CHCHD3: variants seen among roughly 807,000 people sequenced by gnomAD.
CHCHD3 encodes MICOS complex subunit MIC19.
A neutral mutation model predicts 38.2 loss-of-function variants in CHCHD3; 20 were observed. That is an observed-to-expected ratio of 0.52 (90% CI 0.37 to 0.76). The LOEUF (loss-of-function observed/expected upper bound fraction) is 0.76, where lower values mean the gene tolerates loss of function less well. Among genes scored for constraint, CHCHD3 ranks in the 30% least tolerant of loss-of-function variants. The pLI is 0.00. For synonymous variants in CHCHD3, 82 were observed against 100.0 expected (o/e 0.82, Z 1.07); for missense variants, 245 against 279.2 (o/e 0.88, Z 0.87).
At chr7:133,024,737 C>A in intron 2 of CHCHD3, 110 bp from the exon 3 acceptor site, 1 of 810,216 alleles carries the variant, frequency 1.2e-6, no homozygotes, top group Non-Finnish European at 2.1e-6. Context: ...AGGCAAAGTT[C>A]TGCCAAGTGG....
chr7:132,938,739 C>T (rs942415029), intron 4 of CHCHD3, among the ~76,000 whole-genome samples: 4 of 152,088 alleles, frequency 2.6e-5, no homozygotes, highest in African/African-American at 4.8e-5. Context: ...TCCCCGACAC[C>T]GGCAACAAGC....
chr7:132,813,193 G>C (rs1376619525), intron 6 of CHCHD3, among the ~76,000 whole-genome samples: 1 of 152,168 alleles, frequency 6.6e-6, no homozygotes, highest in Non-Finnish European at 1.5e-5. Context: ...CTTCTCATCA[G>C]CACCGTATTA....
intron 4 of CHCHD3, among the ~76,000 whole-genome samples, chr7:132,932,291 AAC>A (rs1180495287): frequency 6.6e-6 from 1 of 152,198 alleles, no homozygotes; most frequent in East Asian, 1.9e-4. Flanking sequence ...GAGAGCAATG[AAC>A]ACTAGAACTC....
chr7:133,005,977 G>A (rs1463262958), intron 3 of CHCHD3, among the ~76,000 whole-genome samples: 1 of 152,196 alleles, frequency 6.6e-6, no homozygotes, highest in African/African-American at 2.4e-5. Flanking sequence ...TATCTCGCCA[G>A]CTACATATAG....
At chr7:132,972,313 G>A (rs1039421224) in intron 4 of CHCHD3, among the ~76,000 whole-genome samples, 11 of 152,126 alleles carry the variant, frequency 7.2e-5, no homozygotes, top group African/African-American at 2.4e-4. Flanking sequence ...TTAATGTGAA[G>A]GTTATTGTAA....
chr7:133,008,740 A>C (rs1227783906), intron 3 of CHCHD3, among the ~76,000 whole-genome samples: 1 of 152,208 alleles, frequency 6.6e-6, no homozygotes, highest in Non-Finnish European at 1.5e-5. Context: ...GGAGGCTTTA[A>C]AATATACACT....
intron 5 of CHCHD3, chr7:132,845,264 A>G (rs1808047583): frequency 6.6e-6 from 1 of 152,214 alleles, no homozygotes; most frequent in East Asian, 1.9e-4. Context: ...TCTTTGTAGC[A>G]CCAGGGACTT....
At chr7:132,898,625 G>A (rs1488893472) in intron 4 of CHCHD3, among the ~76,000 whole-genome samples, 1 of 152,256 alleles carries the variant, frequency 6.6e-6, no homozygotes, top group Non-Finnish European at 1.5e-5. Context: ...GCCCTTGGGT[G>A]GTCGATGGGA....
intron 4 of CHCHD3, among the ~76,000 whole-genome samples, chr7:132,904,649 C>T (rs772063604): frequency 2.6e-5 from 4 of 152,144 alleles, no homozygotes; most frequent in Non-Finnish European, 4.4e-5. Context: ...GGTGGGACTG[C>T]AAACTAGTTC....
At chr7:132,870,285 G>A (rs1429875063) in intron 5 of CHCHD3, among the ~76,000 whole-genome samples, 1 of 150,428 alleles carries the variant, frequency 6.6e-6, no homozygotes, top group East Asian at 2.0e-4. Context: ...GGGAGGCAGA[G>A]GTTGCGGTGA....
At chr7:133,081,696 C>G (rs1408306979) in intron 1 of CHCHD3, among the ~76,000 whole-genome samples, 161 bp downstream of exon 1, 1 of 152,236 alleles carries the variant, frequency 6.6e-6, no homozygotes, top group Non-Finnish European at 1.5e-5. Context: ...ATGAATGTCC[C>G]ACGTCTTGAA....
chr7:132,812,344 G>A (rs879515653), intron 6 of CHCHD3, among the ~76,000 whole-genome samples: 1 of 150,418 alleles, frequency 6.6e-6, no homozygotes, highest in Non-Finnish European at 1.5e-5. Flanking sequence ...CCAGTAGCTG[G>A]GATTACAGGT....
chr7:133,027,434 GAGGGA>G (rs1562941656), intron 2 of CHCHD3, among the ~76,000 whole-genome samples: 7 of 59,432 alleles, frequency 1.2e-4, no homozygotes, highest in African/African-American at 4.0e-4. Context: ...GGAAGGAAGG[GAGGGA>G]GGGAGGGAGG....
At chr7:132,908,250 A>G (rs1430249389) in intron 4 of CHCHD3, among the ~76,000 whole-genome samples, 1 of 152,190 alleles carries the variant, frequency 6.6e-6, no homozygotes, top group Admixed American at 6.5e-5. Flanking sequence ...AGGAAAACGT[A>G]ACTGGGAGTA....
rs1212433559 is a variant in CHCHD3 at position 132,973,678 on chromosome 7, T to G, written c.369+1491A>C. The G allele has an allele frequency of 6.8e-6, 7 of 1,025,864 alleles. No homozygotes were observed. In the Admixed American group the frequency reaches 3.6e-4, roughly 53 times the overall value. 63.5% of individuals were successfully genotyped at this position (1,025,864 alleles called of 1,614,324 possible). On this transcript the variant is annotated intron_variant, in intron 4 of 7. Transcript: ENST00000262570. ...ACCCCAGATTTGTCACTGAAGAAAC[T>G]GATTCATTACGCATGGACTTCCTTT...
intron 2 of CHCHD3, among the ~76,000 whole-genome samples, chr7:133,041,131 G>T (rs1813826359): frequency 6.6e-6 from 1 of 152,052 alleles, no homozygotes; most frequent in Non-Finnish European, 1.5e-5. Flanking sequence ...GTATATTGTT[G>T]GCCAAGTTTA....
chr7:133,055,487 G>A (rs1258630771), intron 2 of CHCHD3, among the ~76,000 whole-genome samples: 1 of 142,964 alleles, frequency 7.0e-6, no homozygotes, highest in African/African-American at 2.6e-5. Flanking sequence ...AATTATAATT[G>A]TTATATATTT....
At chr7:132,835,968 G>A (rs776687612) in intron 6 of CHCHD3, among the ~76,000 whole-genome samples, 36 of 152,292 alleles carry the variant, frequency 2.4e-4, no homozygotes, top group Non-Finnish European at 3.8e-4. Context: ...GAGAGGCCTA[G>A]AAGCAACCAG....
chr7:132,818,780 A>C (rs762185558), intron 6 of CHCHD3, among the ~76,000 whole-genome samples: 1 of 152,206 alleles, frequency 6.6e-6, no homozygotes, highest in Non-Finnish European at 1.5e-5. Flanking sequence ...TCTGAACTGA[A>C]GGAATTCCCA....
Sources: allele counts gnomAD v4.1 joint callset (sites outside exome capture counted in the v4.1 genomes callset), GRCh38; gene constraint gnomAD v4.1.1; transcripts MANE v1.5; gene names NCBI Gene and HGNC (gene_info 2026-07-23, HGNC 2026-07-21).